NFKBIB: variants seen among roughly 807,000 people sequenced by gnomAD.
NFKBIB encodes NF-kappa-B inhibitor beta.
Under a neutral mutation model 32.1 loss-of-function variants are expected in NFKBIB, and 16 were observed. That is an observed-to-expected ratio of 0.50 (90% confidence interval 0.34 to 0.76). The LOEUF is 0.76. Ranked by LOEUF, NFKBIB falls within the 30% of genes least tolerant of loss-of-function variation. The probability of loss-of-function intolerance (pLI) is 0.01; values close to 1 mark genes in which losing one functional copy is unlikely to be tolerated. For synonymous variants in NFKBIB, 222 were observed against 219.5 expected (o/e 1.01, Z -0.10); for missense variants, 437 against 514.9 (o/e 0.85, Z 1.46).
chr19:38,905,652 G>C lies in NFKBIB; in HGVS notation c.619+117G>C. ...CTTGGGAAATCATGCCTAGGCTTCA[G>C]GAGCCCACACATCGGGACCAGGGAC... On this transcript the variant is annotated intron_variant, in intron 3 of 5. Transcript: ENST00000313582. The surrounding 1 kb of genome is among the most constrained non-coding windows in gnomAD (Gnocchi z 5.5). 1 of 806,410 alleles carries C rather than the reference G, an allele frequency of 1.2e-6. No homozygotes were observed. Among genetic ancestry groups the C allele is most frequent in the Non-Finnish European group, 1.9e-6 (1 of 514,752 alleles). 50.0% of individuals were successfully genotyped at this position (806,410 alleles called of 1,614,324 possible).
Position 38,907,647 on chromosome 19 carries a change from C to T in NFKBIB, c.957C>T (p.Ser319=), listed in dbSNP as rs760752198. ...GCAGCAGCAGTAGCGACAGCGACAG[C>T]GGAGACGAGGGCGTGAGTCAGGAGG... ...GPCSSSSDSD[S]GDEGDEYDDI... is the part of the protein sequence containing the mutation. The change falls in exon 5 of 6, where the codon AGC becomes AGT. Residue 319 remains serine, a synonymous_variant. Coordinates refer to ENST00000313582, the MANE Select transcript of NFKBIB (RefSeq NM_002503.5). 22 of 1,605,068 alleles carry T rather than the reference C, an allele frequency of 1.4e-5. No individual in the cohort carries two copies. The highest frequency in any genetic ancestry group is 8.5e-5 in the Admixed American group (5 of 58,740).
chr19:38,908,555 A>AAG (rs1555741220), intron 5 of NFKBIB, 176 bp from the exon 6 acceptor site: 437 of 1,295,068 alleles, frequency 3.4e-4, no homozygotes, highest in African/African-American at 1.0e-3. Flanking sequence ...AAAAAAAAAA[A>AAG]AAAGAAAGAA....
At chr19:38,902,675 T>C (rs1405868461) in intron 1 of NFKBIB, among the ~76,000 whole-genome samples, 1 of 152,216 alleles carries the variant, frequency 6.6e-6, no homozygotes, top group Non-Finnish European at 1.5e-5. Flanking sequence ...GAAATTCATA[T>C]TTCAAGCTCC....
rs1228396327 is a variant in NFKBIB, at chr19:38,905,734, C to G, written c.619+199C>G. On this transcript the variant is annotated intron_variant, in intron 3 of 5. Transcript: ENST00000313582. This position sits in a 1 kb window ranked among gnomAD's most constrained non-coding sequence, Gnocchi z 5.5. ...GATATGTAGGACCCAGGACCCCCAC[C>G]TGGAGGCCCCAGGTCACTTGGGATG... Among the ~76,000 whole-genome samples, 1 of 152,166 alleles carries G rather than the reference C, an allele frequency of 6.6e-6. No homozygotes were observed. The highest frequency in any genetic ancestry group is 2.4e-5 in the African/African-American group (1 of 41,430).
Position 38,907,308 on chromosome 19 carries a change from C to G in NFKBIB, c.707C>G (p.Pro236Arg), listed in dbSNP as rs528161401. 1 of 1,612,614 alleles carries G rather than the reference C, an allele frequency of 6.2e-7. No individual in the cohort carries two copies. Among genetic ancestry groups the G allele is most frequent in the Non-Finnish European group, 8.5e-7 (1 of 1,179,090 alleles). Residue 236 changes from proline (P) to arginine (R), a missense_variant and splice_region_variant, in exon 4 of 6, where the codon CCG becomes CGG. Pro to Arg is a moderately radical substitution (Grantham distance 103). Transcript: ENST00000313582. The part of the protein sequence containing the change: ...LRDAGADLDK[P>R]EPTCGRSPLH... ...GATGCTGGAGCTGACCTTGACAAACCGGTGAGCCCCAACCTCGGGGAAGAT... is the reference window on the plus strand; with the variant it reads ...GATGCTGGAGCTGACCTTGACAAACGGGTGAGCCCCAACCTCGGGGAAGAT...
intron 5 of NFKBIB, chr19:38,907,972 C>G: frequency 8.3e-7 from 1 of 1,206,152 alleles, no homozygotes; most frequent in Non-Finnish European, 1.0e-6. Context: ...TTTTAGGCAG[C>G]AAGAATTGGA....
intron 3 of NFKBIB, among the ~76,000 whole-genome samples, chr19:38,906,704 C>T (rs796967513): frequency 6.1e-5 from 9 of 147,468 alleles, no homozygotes; most frequent in African/African-American, 1.8e-4. Context: ...CTCCTGACCT[C>T]GTGATCCACC....
At chr19:38,901,480 C>T (rs1412559540) in intron 1 of NFKBIB, among the ~76,000 whole-genome samples, 1 of 150,962 alleles carries the variant, frequency 6.6e-6, no homozygotes, top group East Asian at 1.9e-4. Context: ...TTTTTTTGTC[C>T]CCCTATGTTC....
In NFKBIB at chr19:38,905,598, C is replaced by T. The variant is rs1301076365; in HGVS notation, c.619+63C>T. The T allele has an allele frequency of 7.6e-7, 1 of 1,309,746 alleles. No individual in the cohort carries two copies. The highest frequency in any genetic ancestry group is 2.4e-5 in the East Asian group (1 of 42,510). The allele number at this position is 1,309,746 out of a possible 1,614,324, so 81.1% of individuals were successfully genotyped here. On this transcript the variant is annotated intron_variant, in intron 3 of 5. Coordinates refer to ENST00000313582, the MANE Select transcript of NFKBIB (RefSeq NM_002503.5). The surrounding 1 kb of genome is among the most constrained non-coding windows in gnomAD (Gnocchi z 5.5). ...CTAGGCGAGAGCACCTGGCCCTGGG[C>T]TCAGCTTCCCTGATTTGAGACTGAG...
chr19:38,903,701 A>G (rs2144728586), intron 1 of NFKBIB, among the ~76,000 whole-genome samples: 1 of 152,110 alleles, frequency 6.6e-6, no homozygotes, highest in East Asian at 1.9e-4. Flanking sequence ...GCTTCTTTAC[A>G]TGCCTGATAA....
intron 5 of NFKBIB, 193 bp from the exon 6 acceptor site, chr19:38,908,538 T>TAAAAAAAAAA: frequency 1.9e-6 from 2 of 1,080,624 alleles, no homozygotes; most frequent in South Asian, 3.1e-5. Flanking sequence ...GACTCCATCT[T>TAAAAAAAAAA]AAAAAAAAAA....
chr19:38,907,345 G>A, intron 4 of NFKBIB, 36 bp downstream of exon 4: 1 of 1,605,342 alleles, frequency 6.2e-7, no homozygotes, highest in Non-Finnish European at 8.5e-7. Context: ...CCGTCGGCGG[G>A]AGGGGGCTTG....
In NFKBIB at chr19:38,900,051, T is replaced by C. The variant is rs1973892975; in HGVS notation, c.19T>C (p.Leu7=). Residue 7 remains leucine, a synonymous_variant, in exon 1 of 6, where the codon TTG becomes CTG. Transcript: ENST00000313582. MAGVAC[L]GKAADADEWC... is the part of the protein sequence containing the mutation. The stretch of plus-strand genomic sequence containing the variant: ...GGGGGCCATGGCTGGGGTCGCGTGC[T>C]TGGGAAAAGCTGCCGACGCAGATGA... 6.7e-7 allele frequency: 1 copy of C among 1,495,700 alleles called. No individual in the cohort carries two copies. Among genetic ancestry groups the C allele is most frequent in the Non-Finnish European group, 8.9e-7 (1 of 1,124,922 alleles). 92.7% of individuals were successfully genotyped at this position (1,495,700 alleles called of 1,614,324 possible).
Position 38,907,207 on chromosome 19 carries a change from C to G in NFKBIB, c.620-14C>G, listed in dbSNP as rs1974157523. 6.3e-7 allele frequency: 1 copy of G among 1,599,200 alleles called. No homozygotes were observed. Among genetic ancestry groups the G allele is most frequent in the African/African-American group, 1.3e-5 (1 of 74,804 alleles). On this transcript the variant is annotated splice_polypyrimidine_tract_variant and intron_variant, in intron 3 of 5. Coordinates refer to ENST00000313582, the MANE Select transcript of NFKBIB (RefSeq NM_002503.5). Reference sequence around the variant, plus strand: ...CCTCACCTCATCATCTGACGCCAATCACTCTGTCCCCAGGCCACACCCCAC... The same window carrying G: ...CCTCACCTCATCATCTGACGCCAATGACTCTGTCCCCAGGCCACACCCCAC...
chr19:38,905,097 G>C lies in NFKBIB; in HGVS notation c.262G>C (p.Asp88His), dbSNP rs1384112531. 1 of 1,614,166 alleles carries C rather than the reference G, an allele frequency of 6.2e-7. No homozygotes were observed. Among genetic ancestry groups the C allele is most frequent in the Admixed American group, 1.7e-5 (1 of 60,014 alleles). The change falls in exon 2 of 6, where the codon GAC becomes CAC. Residue 88 changes from aspartate to histidine, a missense_variant. Transcript: ENST00000313582. The surrounding 1 kb of genome is among the most constrained non-coding windows in gnomAD (Gnocchi z 5.5). The stretch of plus-strand genomic sequence containing the variant: ...CTTCTCGGCCGGCACTGAGTACATG[G>C]ACCTGCAGAATGACCTAGGCCAGGT... ...LGFSAGTEYM[D>H]LQNDLGQTAL...
Position 38,900,145 on chromosome 19 carries a change from C to T in NFKBIB, c.113C>T (p.Ala38Val), listed in dbSNP as rs116900177. Residue 38 changes from alanine (A) to valine (V), a missense_variant, in exon 1 of 6, where the codon GCG (alanine) becomes GTG (valine). Transcript: ENST00000313582. ...AAAPGGPGLG[A>V]ELGPGLSWAP... is the part of the protein sequence containing the mutation. The stretch of plus-strand genomic sequence containing the variant: ...GCCCCCGGAGGACCTGGGTTGGGCG[C>T]GGAGTTGGGCCCGGGGCTGTCGTGG... 8.2e-4 allele frequency: 1,314 copies of T among 1,597,094 alleles called. 19 individuals are homozygous for T. In the East Asian group the frequency reaches 0.021, roughly 26 times the overall value.
In NFKBIB at chr19:38,902,085, C is replaced by CTTTTTTTTTTTTTTTTTTTTTTT. The variant is rs74176475; in HGVS notation, c.179+1887_179+1888insTTTTTTTTTTTTTTTTTTTTTTT. Among the ~76,000 whole-genome samples, 131 of 92,374 alleles carry CTTTTTTTTTTTTTTTTTTTTTTT rather than the reference C, an allele frequency of 1.4e-3. 18 individuals carry two copies. Among genetic ancestry groups the CTTTTTTTTTTTTTTTTTTTTTTT allele is most frequent in the Non-Finnish European group, 1.9e-3 (92 of 49,172 alleles). The allele number at this position is 92,374 out of a possible 152,430, so 60.6% of individuals were successfully genotyped here. On this transcript the variant is annotated intron_variant, in intron 1 of 5. Coordinates refer to ENST00000313582, the MANE Select transcript of NFKBIB (RefSeq NM_002503.5). Reference sequence around the variant, plus strand: ...CTGTATAGTGTTTTTCATTTTATTTCTTTTTTTTTTTTTGAGATGGAGTCT... The same window carrying CTTTTTTTTTTTTTTTTTTTTTTT: ...CTGTATAGTGTTTTTCATTTTATTTCTTTTTTTTTTTTTTTTTTTTTTTTTTTTTTTTTTTTGAGATGGAGTCT...
Position 38,900,077 on chromosome 19 carries a change from A to G in NFKBIB, c.45A>G (p.Glu15=). 1 of 1,524,854 alleles carries G rather than the reference A, an allele frequency of 6.6e-7. No homozygotes were observed. Among genetic ancestry groups the G allele is most frequent in the East Asian group, 2.4e-5 (1 of 41,404 alleles). 94.5% of individuals were successfully genotyped at this position (1,524,854 alleles called of 1,614,324 possible). ...ACLGKAADAD[E]WCDSGLGSLG... ...TGGGAAAAGCTGCCGACGCAGATGAATGGTGCGACAGCGGCCTGGGCTCCC... is the reference window on the plus strand; with the variant it reads ...TGGGAAAAGCTGCCGACGCAGATGAGTGGTGCGACAGCGGCCTGGGCTCCC... The change falls in exon 1 of 6, where the codon GAA becomes GAG. Residue 15 remains glutamate, a synonymous_variant. Transcript: ENST00000313582.
chr19:38,904,238 C>T (rs1024473161), intron 1 of NFKBIB, among the ~76,000 whole-genome samples: 5 of 152,068 alleles, frequency 3.3e-5, no homozygotes, highest in Non-Finnish European at 5.9e-5. Context: ...GTTAATTATT[C>T]CCCACTATTG....
Sources: gnomAD v4.1 joint callset for allele counts (sites outside exome capture counted in the v4.1 genomes callset) on GRCh38, gnomAD v4.1.1 for gene constraint, Gnocchi (gnomAD v3.1) non-coding constraint, MANE v1.5 for transcripts, NCBI Gene and HGNC (gene_info 2026-07-23, HGNC 2026-07-21) for gene names.